The following TBC1D22A variants were observed in gnomAD, a reference collection of about 807,000 sequenced individuals.
The protein encoded by TBC1D22A is TBC1 domain family member 22A.
A neutral mutation model predicts 60.2 loss-of-function variants in TBC1D22A; 38 were observed. That is an observed-to-expected ratio of 0.63 (90% CI 0.49 to 0.83). TBC1D22A has a LOEUF of 0.83. TBC1D22A is among the 40% of genes least tolerant of loss of function. The probability of loss-of-function intolerance (pLI) is 0.00; values close to 1 mark genes in which losing one functional copy is unlikely to be tolerated. For synonymous variants in TBC1D22A, 302 were observed against 281.7 expected (o/e 1.07, Z -0.72); for missense variants, 628 against 701.0 (o/e 0.90, Z 1.18).
intron 12 of TBC1D22A, among the ~76,000 whole-genome samples, chr22:47,167,122 C>A (rs577844412): frequency 6.6e-6 from 1 of 152,250 alleles, no homozygotes; most frequent in Non-Finnish European, 1.5e-5. Context: ...TTTCTCCCAA[C>A]GATGACCACG....
chr22:46,940,687 T>C (rs2071949660), intron 8 of TBC1D22A, among the ~76,000 whole-genome samples: 1 of 140,050 alleles, frequency 7.1e-6, no homozygotes, highest in Admixed American at 7.2e-5. Flanking sequence ...GGCACTAGAA[T>C]ATATATATAT....
chr22:46,921,696 A>G (rs1338606315), intron 8 of TBC1D22A, among the ~76,000 whole-genome samples: 1 of 152,004 alleles, frequency 6.6e-6, no homozygotes, highest in Non-Finnish European at 1.5e-5. Flanking sequence ...AACTATTTAC[A>G]TTCTCACTAG....
chr22:47,038,569 C>T (rs1048590632), intron 11 of TBC1D22A, among the ~76,000 whole-genome samples: 5 of 152,322 alleles, frequency 3.3e-5, no homozygotes, highest in African/African-American at 1.2e-4. Context: ...CCGTGCTCTC[C>T]AGTCTCTCAT....
intron 1 of TBC1D22A, among the ~76,000 whole-genome samples, chr22:46,783,608 C>T (rs929753204): frequency 1.3e-5 from 2 of 151,812 alleles, no homozygotes; most frequent in East Asian, 3.9e-4. Context: ...TTTTACCACT[C>T]ATGTGTATCA....
At chr22:47,029,188 C>T (rs1603068011) in intron 10 of TBC1D22A, among the ~76,000 whole-genome samples, 1 of 148,220 alleles carries the variant, frequency 6.7e-6, no homozygotes, top group East Asian at 2.0e-4. Flanking sequence ...TACCCCTCCC[C>T]ATGGGGCCCG....
intron 12 of TBC1D22A, among the ~76,000 whole-genome samples, chr22:47,160,976 C>G (rs2067959181): frequency 6.6e-6 from 1 of 152,110 alleles, no homozygotes; most frequent in African/African-American, 2.4e-5. Flanking sequence ...CTCCCTGAGC[C>G]TTTCTCAGTT....
intron 12 of TBC1D22A, among the ~76,000 whole-genome samples, chr22:47,122,527 G>T (rs1351841279): frequency 6.6e-6 from 1 of 152,126 alleles, no homozygotes; most frequent in Non-Finnish European, 1.5e-5. Context: ...CCCCTACTTG[G>T]AGGTGGTCTC....
At position 46,858,384 on chromosome 22, in the gene TBC1D22A, C is replaced by G. The variant is rs994479534; in HGVS notation, c.638-20269C>G. ...CAATACTGTCTTTTTAAGTTGGCTG[C>G]CATGAGGACCGGGCTGGAGGCAGCC... On this transcript the variant is annotated intron_variant, in intron 4 of 12. Transcript: ENST00000337137. 3.9e-5 allele frequency among the ~76,000 whole-genome samples: 6 copies of G among 152,164 alleles called. No individual in the cohort carries two copies. The East Asian group carries it at 9.6e-4, about 24-fold the overall frequency.
At chr22:47,001,913 T>C (rs1038057179) in intron 10 of TBC1D22A, among the ~76,000 whole-genome samples, 2 of 152,206 alleles carry the variant, frequency 1.3e-5, no homozygotes, top group African/African-American at 2.4e-5. Context: ...AGAATTAGGA[T>C]GTCGCCTAAT....
At chr22:46,984,828 G>A (rs1480026699) in intron 9 of TBC1D22A, among the ~76,000 whole-genome samples, 6 of 152,218 alleles carry the variant, frequency 3.9e-5, no homozygotes, top group South Asian at 4.1e-4. Flanking sequence ...CCCATGACTC[G>A]GGGTGGAGTG....
chr22:46,808,887 C>T (rs575978293), intron 4 of TBC1D22A, among the ~76,000 whole-genome samples: 85 of 152,360 alleles, frequency 5.6e-4, no homozygotes, highest in African/African-American at 2.0e-3. Flanking sequence ...AGCCACCGTG[C>T]CCGGCCTTCG....
At chr22:47,139,484 G>C (rs1291864412) in intron 12 of TBC1D22A, among the ~76,000 whole-genome samples, 1 of 152,232 alleles carries the variant, frequency 6.6e-6, no homozygotes, top group Non-Finnish European at 1.5e-5. Context: ...CCTCAAAGGG[G>C]CTCTGGTCTC....
rs1276355934 is a variant in TBC1D22A, at chr22:46,762,858, C to T, written c.62+10C>T. ...GCAAGCTCCCGGGCAGGTGGGTGTG[C>T]CGCGGAGGGCCAGGTCGGGGTCAGG... On this transcript the variant is annotated intron_variant, in intron 1 of 12. Coordinates refer to ENST00000337137, the MANE Select transcript of TBC1D22A (RefSeq NM_014346.5). The T allele has an allele frequency of 7.5e-6, 11 of 1,468,490 alleles. No homozygotes were observed. Among genetic ancestry groups the T allele is most frequent in the African/African-American group, 3.0e-5 (2 of 66,752 alleles). 91.0% of individuals were successfully genotyped at this position (1,468,490 alleles called of 1,614,324 possible). A position where few individuals can be genotyped will look rare whatever the true frequency, so the allele number is the denominator to read the frequency against.
Position 46,894,687 on chromosome 22 carries a change from G to A in TBC1D22A, c.838-97G>A, listed in dbSNP as rs1199504623. 14 of 1,435,288 alleles carry A rather than the reference G, an allele frequency of 9.8e-6. No individual in the cohort carries two copies. In the East Asian group the frequency reaches 3.2e-4, roughly 33 times the overall value. The allele number at this position is 1,435,288 out of a possible 1,614,324, so 88.9% of individuals were successfully genotyped here. On this transcript the variant is annotated intron_variant, in intron 6 of 12. Transcript: ENST00000337137. ...CAAGGAGAGAGCGGGGTAGAGGCCGGGGAAGGACTTACCTCAGTATTGCTG... is the reference window on the plus strand; with the variant it reads ...CAAGGAGAGAGCGGGGTAGAGGCCGAGGAAGGACTTACCTCAGTATTGCTG...
In TBC1D22A at chr22:46,941,566, C is replaced by T. The variant is rs928163162; in HGVS notation, c.1015+29378C>T. Among the ~76,000 whole-genome samples the T allele has an allele frequency of 7.7e-5, 11 of 142,234 alleles. No homozygotes were observed. In the East Asian group the frequency reaches 8.0e-4, roughly 10 times the overall value. The allele number at this position is 142,234 out of a possible 152,430, so 93.3% of individuals were successfully genotyped here. On this transcript the variant is annotated intron_variant, in intron 8 of 12. Coordinates refer to ENST00000337137, the MANE Select transcript of TBC1D22A (RefSeq NM_014346.5). ...AATATATATACAGGGAATATATATACGGAATATATATACAGGGAATATATA... is the reference window on the plus strand; with the variant it reads ...AATATATATACAGGGAATATATATATGGAATATATATACAGGGAATATATA...
intron 5 of TBC1D22A, among the ~76,000 whole-genome samples, chr22:46,885,216 G>A (rs2068052443): frequency 1.3e-5 from 2 of 152,160 alleles, no homozygotes; most frequent in African/African-American, 2.4e-5. Flanking sequence ...GTGTATCTGT[G>A]GGTGGCTCTT....
intron 12 of TBC1D22A, among the ~76,000 whole-genome samples, chr22:47,139,190 G>A (rs921699748): frequency 1.3e-5 from 2 of 152,174 alleles, no homozygotes; most frequent in Non-Finnish European, 2.9e-5. Context: ...TTCAGTCACC[G>A]TTCCGCTCCT....
At chr22:46,793,410 A>T (rs559352018) in intron 2 of TBC1D22A, 91 bp from the exon 3 acceptor site, 3 of 1,252,792 alleles carry the variant, frequency 2.4e-6, no homozygotes, top group Middle Eastern at 2.2e-4. Context: ...GAACACTTCT[A>T]TGCCTGTCTT....
At chr22:47,132,189 C>T (rs940694878) in intron 12 of TBC1D22A, among the ~76,000 whole-genome samples, 1 of 152,098 alleles carries the variant, frequency 6.6e-6, no homozygotes, top group East Asian at 1.9e-4. Context: ...CCATTTGGTG[C>T]TGGAAGAGAT....
Sources: allele counts gnomAD v4.1 joint callset (sites outside exome capture counted in the v4.1 genomes callset), GRCh38; gene constraint gnomAD v4.1.1; transcripts MANE v1.5; gene names NCBI Gene and HGNC (gene_info 2026-07-23, HGNC 2026-07-21).